The following PPFIA2 variants were observed in gnomAD, a reference collection of about 807,000 sequenced individuals.
PPFIA2 encodes PPFI scaffold protein A2.
In PPFIA2, 46 loss-of-function variants were observed where a neutral mutation model predicts 175.5. The observed-to-expected ratio is 0.26, with a 90% CI of 0.21 to 0.34. PPFIA2 has a LOEUF of 0.34. PPFIA2 is among the 10% of genes least tolerant of loss of function. The pLI, the probability that PPFIA2 is intolerant of heterozygous loss-of-function variation, is 1.00. For missense variants in PPFIA2, 1,179 were observed against 1,506.1 expected, an observed-to-expected ratio of 0.78 and a Z score of 3.60; for synonymous variants, 568 against 511.4, an observed-to-expected ratio of 1.11 and a Z score of -1.49.
chr12:81,567,251 G>T (rs961795148), intron 4 of PPFIA2, among the ~76,000 whole-genome samples: 1 of 151,992 alleles, frequency 6.6e-6, no homozygotes, highest in Non-Finnish European at 1.5e-5. Context: ...GGGTTTCACC[G>T]TGTTAGCCAG....
At chr12:81,453,828 G>C (rs548811971) in intron 5 of PPFIA2, among the ~76,000 whole-genome samples, 1 of 152,174 alleles carries the variant, frequency 6.6e-6, no homozygotes, top group South Asian at 2.1e-4. Flanking sequence ...CATAATACAT[G>C]GCCAGGACAT....
intron 4 of PPFIA2, among the ~76,000 whole-genome samples, chr12:81,642,686 T>TTATATACATGTATGTATATAA (rs2065223704): frequency 1.1e-5 from 1 of 86,966 alleles, no homozygotes; most frequent in African/African-American, 3.9e-5. Flanking sequence ...TATGTATCTA[T>TTATATACATGTATGTATATAA]TATATACATA....
At chr12:81,586,052 C>T (rs943475648) in intron 4 of PPFIA2, among the ~76,000 whole-genome samples, 1 of 151,922 alleles carries the variant, frequency 6.6e-6, no homozygotes, top group Non-Finnish European at 1.5e-5. Flanking sequence ...ATTATATATG[C>T]ACTTTGTCAT....
chr12:81,407,489 A>AAATAG (rs2043149042), intron 7 of PPFIA2, among the ~76,000 whole-genome samples: 1 of 147,358 alleles, frequency 6.8e-6, no homozygotes, highest in South Asian at 2.1e-4. Context: ...TCTTAAAATA[A>AAATAG]AATAAAATAA....
chr12:81,290,836 A>T (rs2044747220), intron 24 of PPFIA2, among the ~76,000 whole-genome samples: 1 of 151,900 alleles, frequency 6.6e-6, no homozygotes, highest in Non-Finnish European at 1.5e-5. Context: ...ATGCAACAAC[A>T]TAATTACAAG....
At chr12:81,342,895 T>C (rs1207217206) in intron 19 of PPFIA2, among the ~76,000 whole-genome samples, 1 of 151,816 alleles carries the variant, frequency 6.6e-6, no homozygotes, top group African/African-American at 2.4e-5. Context: ...GGCACATGTA[T>C]ACATATGTAA....
chr12:81,318,653 CT>C (rs1338224160), intron 22 of PPFIA2, among the ~76,000 whole-genome samples: 1 of 151,710 alleles, frequency 6.6e-6, no homozygotes, highest in Admixed American at 6.6e-5. Flanking sequence ...GTTATGCCAC[CT>C]TCTGTTTCAC....
intron 4 of PPFIA2, among the ~76,000 whole-genome samples, chr12:81,624,963 C>G (rs1229243426): frequency 6.6e-6 from 1 of 151,508 alleles, no homozygotes; most frequent in African/African-American, 2.4e-5. Context: ...ACTTGCACCC[C>G]AAAAACTATT....
intron 3 of PPFIA2, among the ~76,000 whole-genome samples, chr12:81,719,492 A>C (rs755771633): frequency 7.9e-5 from 12 of 151,528 alleles, no homozygotes; most frequent in Non-Finnish European, 1.6e-4. Context: ...GATGTCCTTG[A>C]AACAGAAGCC....
intron 13 of PPFIA2, among the ~76,000 whole-genome samples, 169 bp from the exon 14 acceptor site, chr12:81,367,339 C>A (rs142595731): frequency 0.012 from 1,796 of 151,558 alleles, 58 homozygotes; most frequent in Admixed American, 0.07. Flanking sequence ...AAATGTGAGA[C>A]CTTCACATTT....
chr12:81,580,452 C>A (rs994469126), intron 4 of PPFIA2, among the ~76,000 whole-genome samples: 1 of 151,450 alleles, frequency 6.6e-6, no homozygotes, highest in Non-Finnish European at 1.5e-5. Context: ...TTGAATAGCA[C>A]GGTATGGTTG....
chr12:81,518,861 A>G (rs1433239833), intron 4 of PPFIA2, among the ~76,000 whole-genome samples: 3 of 152,156 alleles, frequency 2.0e-5, no homozygotes, highest in Non-Finnish European at 4.4e-5. Context: ...TAATGACATA[A>G]TATTTTAGGT....
chr12:81,266,637 T>C (rs2037351107), intron 30 of PPFIA2, among the ~76,000 whole-genome samples: 1 of 152,198 alleles, frequency 6.6e-6, no homozygotes, highest in Admixed American at 6.5e-5. Flanking sequence ...TTATCAACAT[T>C]AGTGTTTTAA....
intron 24 of PPFIA2, 196 bp downstream of exon 24, chr12:81,294,639 C>T: frequency 1.7e-6 from 1 of 604,910 alleles, no homozygotes; most frequent in South Asian, 2.0e-5. Context: ...CTAGCTTTCA[C>T]GTCTGATATG....
intron 4 of PPFIA2, among the ~76,000 whole-genome samples, chr12:81,593,185 T>C (rs1033322711): frequency 6.6e-6 from 1 of 152,180 alleles, no homozygotes; most frequent in South Asian, 2.1e-4. Flanking sequence ...TAAAGTTCTC[T>C]TGGTAAAATA....
intron 4 of PPFIA2, chr12:81,512,238 G>T: frequency 9.3e-7 from 1 of 1,077,370 alleles, no homozygotes; most frequent in Non-Finnish European, 1.3e-6. Context: ...GCTCCCTAAT[G>T]CCTTCATTAC....
intron 4 of PPFIA2, among the ~76,000 whole-genome samples, chr12:81,608,342 T>A (rs1298177064): frequency 6.6e-6 from 1 of 152,136 alleles, no homozygotes; most frequent in Non-Finnish European, 1.5e-5. Context: ...TCCACTTCAA[T>A]TTTTTGGAAT....
intron 4 of PPFIA2, among the ~76,000 whole-genome samples, chr12:81,571,813 T>G (rs2072596395): frequency 6.6e-6 from 1 of 152,104 alleles, no homozygotes; most frequent in African/African-American, 2.4e-5. Context: ...TAGAATAATT[T>G]TGTCCAATGT....
At position 81,756,546 on chromosome 12, in the gene PPFIA2, T is replaced by C. The variant is rs546109038; in HGVS notation, c.-3+1854A>G. ...GTGGCTTAGGGACTTAGAAAGTCTA[T>C]TAAATCTACACTCAAAAGAACTTGA... On this transcript the variant is annotated intron_variant, in intron 2 of 32. Coordinates refer to ENST00000549396, the MANE Select transcript of PPFIA2 (RefSeq NM_003625.5). 6.6e-4 allele frequency among the ~76,000 whole-genome samples: 101 copies of C among 152,058 alleles called. 1 individual carries two copies. Among genetic ancestry groups the C allele is most frequent in the African/African-American group, 2.4e-3 (100 of 41,484 alleles).
Sources: allele counts gnomAD v4.1 joint callset (sites outside exome capture counted in the v4.1 genomes callset), GRCh38; gene constraint gnomAD v4.1.1; transcripts MANE v1.5; gene names NCBI Gene and HGNC (gene_info 2026-07-23, HGNC 2026-07-21).